Variants in LRRC4C observed in about 807,000 individuals in gnomAD.
LRRC4C encodes the protein leucine rich repeat containing 4C, also known as leucine-rich repeat-containing protein 4C.
LRRC4C carries 5 observed loss-of-function variants against 33.6 expected under a neutral mutation model. That is an observed-to-expected ratio of 0.15 (90% CI 0.08 to 0.31). LRRC4C has a LOEUF of 0.31. Ranked by LOEUF, LRRC4C falls within the 10% of genes least tolerant of loss-of-function variation. The pLI, the probability that LRRC4C is intolerant of heterozygous loss-of-function variation, is 1.00. For synonymous variants in LRRC4C, 329 were observed against 302.0 expected (o/e 1.09, Z -0.93); for missense variants, 560 against 796.7 (o/e 0.70, Z 3.58).
intron 1 of LRRC4C, among the ~76,000 whole-genome samples, chr11:41,055,786 T>C (rs916950475): frequency 6.6e-6 from 1 of 152,160 alleles, no homozygotes; most frequent in Non-Finnish European, 1.5e-5. Flanking sequence ...TATGTGGCAG[T>C]AGGAAAATTA....
At chr11:40,657,582 G>A (rs371831690) in intron 2 of LRRC4C, among the ~76,000 whole-genome samples, 3 of 152,192 alleles carry the variant, frequency 2.0e-5, no homozygotes, top group African/African-American at 7.2e-5. Context: ...TGCAGCCTTT[G>A]TCTCTCACCT....
intron 3 of LRRC4C, among the ~76,000 whole-genome samples, chr11:40,326,837 A>T (rs546058926): frequency 6.6e-6 from 1 of 152,310 alleles, no homozygotes; most frequent in East Asian, 1.9e-4. Flanking sequence ...TTTAAAGATG[A>T]TAATAACCAG....
intron 1 of LRRC4C, among the ~76,000 whole-genome samples, chr11:41,354,758 G>T (rs112403817): frequency 1.2e-4 from 19 of 152,050 alleles, no homozygotes; most frequent in African/African-American, 4.3e-4. Flanking sequence ...AATGGGGAAA[G>T]GATTCCCTAT....
chr11:40,584,985 G>GA (rs1264714923), intron 3 of LRRC4C, among the ~76,000 whole-genome samples: 1 of 151,608 alleles, frequency 6.6e-6, no homozygotes, highest in Non-Finnish European at 1.5e-5. Context: ...AACCTGCAGT[G>GA]AAAAAGAGGT....
intron 1 of LRRC4C, among the ~76,000 whole-genome samples, chr11:41,412,898 C>T (rs1174074610): frequency 6.6e-6 from 1 of 152,158 alleles, no homozygotes; most frequent in African/African-American, 2.4e-5. Context: ...CCCCTAACAG[C>T]CTTTTCCTCC....
At chr11:41,360,624 T>G (rs1241252524) in intron 1 of LRRC4C, among the ~76,000 whole-genome samples, 3 of 152,118 alleles carry the variant, frequency 2.0e-5, no homozygotes, top group African/African-American at 7.2e-5. Flanking sequence ...TGGAAGGAGT[T>G]AAATAAATGA....
intron 1 of LRRC4C, among the ~76,000 whole-genome samples, chr11:41,207,087 C>A (rs2136293790): frequency 6.6e-6 from 1 of 152,224 alleles, no homozygotes; most frequent in South Asian, 2.1e-4. Context: ...AGTACCCAGT[C>A]CTCCTTTCTT....
intron 6 of LRRC4C, among the ~76,000 whole-genome samples, chr11:40,126,039 TACA>T (rs1401670052): frequency 6.6e-6 from 1 of 151,956 alleles, no homozygotes; most frequent in Non-Finnish European, 1.5e-5. Context: ...ATGGAAATGC[TACA>T]ACATTTAAAT....
chr11:41,430,556 GA>G (rs1955196318), intron 1 of LRRC4C, among the ~76,000 whole-genome samples: 1 of 152,046 alleles, frequency 6.6e-6, no homozygotes, highest in Non-Finnish European at 1.5e-5. Context: ...AAATGCATAG[GA>G]AATCATCAAT....
At chr11:41,456,234 G>A (rs1424150649) in intron 1 of LRRC4C, among the ~76,000 whole-genome samples, 1 of 152,056 alleles carries the variant, frequency 6.6e-6, no homozygotes, top group Non-Finnish European at 1.5e-5. Flanking sequence ...AGCTCTTTGA[G>A]CTAACATACA....
chr11:40,740,813 G>A (rs984924472), intron 2 of LRRC4C, among the ~76,000 whole-genome samples: 12 of 151,864 alleles, frequency 7.9e-5, no homozygotes, highest in South Asian at 4.2e-4. Flanking sequence ...TTTTGTATAC[G>A]GTATGAGATA....
intron 2 of LRRC4C, among the ~76,000 whole-genome samples, chr11:40,933,116 G>C (rs547766276): frequency 1.3e-5 from 2 of 152,188 alleles, no homozygotes; most frequent in Non-Finnish European, 1.5e-5. Flanking sequence ...TGATGGACCA[G>C]GTTGATAGAG....
chr11:40,408,798 T>C (rs1950052446), intron 3 of LRRC4C, among the ~76,000 whole-genome samples: 1 of 151,984 alleles, frequency 6.6e-6, no homozygotes, highest in African/African-American at 2.4e-5. Context: ...TTTGTGTTCA[T>C]GGATTGAAAG....
chr11:40,849,029 A>C (rs534884435), intron 2 of LRRC4C, among the ~76,000 whole-genome samples: 2 of 152,256 alleles, frequency 1.3e-5, no homozygotes, highest in Non-Finnish European at 2.9e-5. Context: ...TATTTTGAGC[A>C]TATTGTGTGT....
chr11:40,844,156 A>G (rs1165872212), intron 2 of LRRC4C, among the ~76,000 whole-genome samples: 1 of 152,030 alleles, frequency 6.6e-6, no homozygotes, highest in East Asian at 1.9e-4. Flanking sequence ...CAATTGAACT[A>G]GTTTACAGTC....
chr11:41,350,677 T>C (rs868084646), intron 1 of LRRC4C, among the ~76,000 whole-genome samples: 2 of 152,128 alleles, frequency 1.3e-5, no homozygotes, highest in Non-Finnish European at 2.9e-5. Context: ...AGAATCTGAA[T>C]GGCAATGAAG....
intron 1 of LRRC4C, among the ~76,000 whole-genome samples, chr11:41,279,471 C>T (rs1166155132): frequency 6.6e-6 from 1 of 151,196 alleles, no homozygotes; most frequent in Admixed American, 6.6e-5. Flanking sequence ...AAGGCAGCTT[C>T]TTTGCCTCCA....
chr11:40,326,878 T>C (rs564165465), intron 3 of LRRC4C, among the ~76,000 whole-genome samples: 22 of 152,226 alleles, frequency 1.4e-4, no homozygotes, highest in African/African-American at 5.1e-4. Flanking sequence ...AAGGTAAGAT[T>C]GAGTGCAGAG....
chr11:40,505,936 A>G (rs1384163500), intron 3 of LRRC4C, among the ~76,000 whole-genome samples: 1 of 152,050 alleles, frequency 6.6e-6, no homozygotes, highest in Non-Finnish European at 1.5e-5. Flanking sequence ...ACACATGGAA[A>G]TGTAGCCTTA....
Sources: allele counts gnomAD v4.1 joint callset (sites outside exome capture counted in the v4.1 genomes callset), GRCh38; gene constraint gnomAD v4.1.1; transcripts MANE v1.5; gene names NCBI Gene and HGNC (gene_info 2026-07-23, HGNC 2026-07-21).